DNAAF3: variants seen among roughly 807,000 people sequenced by gnomAD.
DNAAF3 encodes dynein axonemal assembly factor 3.
In DNAAF3, 40 loss-of-function variants were observed where a neutral mutation model predicts 50.9. The observed-to-expected ratio is 0.79, with a 90% CI of 0.61 to 1.02. DNAAF3 has a LOEUF of 1.02. Among genes scored for constraint, DNAAF3 ranks in the 50% least tolerant of loss-of-function variants. The pLI is 0.00. For missense variants in DNAAF3, 763 were observed against 744.7 expected, an observed-to-expected ratio of 1.02 and a Z score of -0.29; for synonymous variants, 327 against 322.8, an observed-to-expected ratio of 1.01 and a Z score of -0.14.
At position 55,160,087 on chromosome 19, in the gene DNAAF3, A is replaced by G; in HGVS notation, c.1049-74T>C. 1.1e-6 allele frequency: 1 copy of G among 908,308 alleles called. No homozygotes were observed. Among genetic ancestry groups the G allele is most frequent in the Non-Finnish European group, 1.8e-6 (1 of 551,668 alleles). 56.3% of individuals were successfully genotyped at this position (908,308 alleles called of 1,614,324 possible). A position where few individuals can be genotyped will look rare whatever the true frequency, so the allele number is the denominator to read the frequency against. The stretch of plus-strand genomic sequence containing the variant: ...GGCGGAAAACCAGAGAGATACACAG[A>G]GCTGGGCAGAGCTGGGCAGGCACAC... On this transcript the variant is annotated intron_variant, in intron 9 of 11. Transcript: ENST00000524407. The surrounding 1 kb of genome is among the most constrained non-coding windows in gnomAD (Gnocchi z 4.7).
chr19:55,161,370 C>T lies in DNAAF3; in HGVS notation c.712G>A (p.Val238Ile), dbSNP rs1380206004. 1 of 1,606,238 alleles carries T rather than the reference C, an allele frequency of 6.2e-7. No individual in the cohort carries two copies. The highest frequency in any genetic ancestry group is 1.1e-5 in the South Asian group (1 of 90,634). Reference protein sequence around the residue: ...QEFRRWRDTGVAFELRDSSAY... With the variant: ...QEFRRWRDTGIAFELRDSSAY... ...CTGGAGTCCCTGAGTTCAAAGGCGA[C>T]GCCTGTGTCCCGCCAGCGTCGGAAC... Residue 238 changes from valine to isoleucine, a missense_variant, in exon 7 of 12, where the codon GTC (valine) becomes ATC (isoleucine). By Grantham distance (29) the Val-to-Ile change is conservative. Transcript: ENST00000524407. The surrounding 1 kb of genome is among the most constrained non-coding windows in gnomAD (Gnocchi z 6.4).
rs1419760845 is a variant in DNAAF3, at chr19:55,165,403, C to G, written c.289G>C (p.Ala97Pro). ...CCCATCTTCTCCGGTTCCTCCAGGG[C>G]TAGGCTGAAGATCAGCATGTGTCGG... ...VARHMLIFSL[A>P]LEEPEKMGLQ... The change falls in exon 4 of 12, where the codon GCC (alanine) becomes CCC (proline). Residue 97 changes from alanine (A) to proline (P), a missense_variant. By Grantham distance (27) the Ala-to-Pro change is conservative (BLOSUM62 -1). Coordinates refer to ENST00000524407, the MANE Select transcript of DNAAF3 (RefSeq NM_001256715.2). 6.2e-7 allele frequency: 1 copy of G among 1,614,168 alleles called. No individual in the cohort carries two copies. Among genetic ancestry groups the G allele is most frequent in the Non-Finnish European group, 8.5e-7 (1 of 1,180,040 alleles).
intron 4 of DNAAF3, chr19:55,162,694 AAAAT>A (rs1342382436): frequency 5.1e-6 from 5 of 985,194 alleles, no homozygotes; most frequent in Non-Finnish European, 6.0e-6. Context: ...ACAACAGTAA[AAAAT>A]AATACAAATT....
chr19:55,159,908 A>G lies in DNAAF3; in HGVS notation c.1154T>C (p.Val385Ala), dbSNP rs1221796368. The G allele has an allele frequency of 6.2e-7, 1 of 1,613,942 alleles. No individual in the cohort carries two copies. The highest frequency in any genetic ancestry group is 1.3e-5 in the African/African-American group (1 of 75,018). ...CYNGRFQLLYVACGMVHLLIP... is the reference protein window; with the variant it reads ...CYNGRFQLLYAACGMVHLLIP... Reference sequence around the variant, plus strand: ...CTGCCTCCCCGCTTACCCACAGGCCACATAGAGGAGCTGGAATCGGCCGTT... The same window carrying G: ...CTGCCTCCCCGCTTACCCACAGGCCGCATAGAGGAGCTGGAATCGGCCGTT... Residue 385 changes from valine (V) to alanine (A), a missense_variant, in exon 10 of 12, where the codon GTG becomes GCG. Physicochemically the swap from Val to Ala is moderately conservative, Grantham distance 64. Coordinates refer to ENST00000524407, the MANE Select transcript of DNAAF3 (RefSeq NM_001256715.2).
chr19:55,158,950 A>C lies in DNAAF3; in HGVS notation c.*112T>G. On this transcript the variant is annotated 3_prime_UTR_variant, in exon 12 of 12. Transcript: ENST00000524407. ...TGGGGGTGGCGGGTACTGAGTGGGA[A>C]TGATTAGAATAAAATTGAGGACTCT... The C allele has an allele frequency of 2.4e-6, 3 of 1,244,134 alleles. No homozygotes were observed. The highest frequency in any genetic ancestry group is 3.3e-6 in the Non-Finnish European group (3 of 907,668). The allele number at this position is 1,244,134 out of a possible 1,614,324, so 77.1% of individuals were successfully genotyped here.
Position 55,166,086 on chromosome 19 carries a change from C to T in DNAAF3, c.86-86G>A. On this transcript the variant is annotated intron_variant, in intron 2 of 11. Coordinates refer to ENST00000524407, the MANE Select transcript of DNAAF3 (RefSeq NM_001256715.2). This position sits in a 1 kb window ranked among gnomAD's most constrained non-coding sequence, Gnocchi z 4.0. ...CCCCTATAAAAAATGGACTACAAAT[C>T]CCAGTAGGCGTTCCGCCCGTGGCCT... 1.9e-6 allele frequency: 3 copies of T among 1,606,772 alleles called. No homozygotes were observed. Among genetic ancestry groups the T allele is most frequent in the Non-Finnish European group, 2.5e-6 (3 of 1,176,634 alleles).
At chr19:55,162,565 A>G (rs1362170756) in intron 4 of DNAAF3, 3 of 942,192 alleles carry the variant, frequency 3.2e-6, no homozygotes, top group Non-Finnish European at 3.9e-6. Flanking sequence ...CAGCCTGGGC[A>G]ACAGAGTGAG....
rs1473284880 is a variant in DNAAF3, at chr19:55,161,504, C to G, written c.664-86G>C. The G allele has an allele frequency of 2.2e-5, 33 of 1,509,142 alleles. No homozygotes were observed. Among genetic ancestry groups the G allele is most frequent in the Non-Finnish European group, 2.7e-5 (30 of 1,131,166 alleles). The allele number at this position is 1,509,142 out of a possible 1,614,324, so 93.5% of individuals were successfully genotyped here. On this transcript the variant is annotated intron_variant, in intron 6 of 11. Coordinates refer to ENST00000524407, the MANE Select transcript of DNAAF3 (RefSeq NM_001256715.2). This position sits in a 1 kb window ranked among gnomAD's most constrained non-coding sequence, Gnocchi z 6.4. ...ACCAGCCTCCCTCAGACCCAGGAGT[C>G]CAGGTCCCCAGGCCCTCCTCCCTCA...
intron 3 of DNAAF3, 103 bp downstream of exon 3, chr19:55,165,755 G>A (rs1381455745): frequency 6.5e-7 from 1 of 1,527,300 alleles, no homozygotes; most frequent in East Asian, 2.4e-5. Context: ...TCAGATCTAG[G>A]AGTCTCCAGC....
At chr19:55,163,152 A>G (rs181169236) in intron 4 of DNAAF3, among the ~76,000 whole-genome samples, 10 of 150,510 alleles carry the variant, frequency 6.6e-5, no homozygotes, top group East Asian at 2.0e-4. Flanking sequence ...TGGGACTACA[A>G]GCGCCCGCCA....
chr19:55,166,297 C>T lies in DNAAF3; in HGVS notation c.85+32G>A, dbSNP rs747052109. 6.2e-7 allele frequency: 1 copy of T among 1,607,854 alleles called. No individual in the cohort carries two copies. Among genetic ancestry groups the T allele is most frequent in the South Asian group, 1.1e-5 (1 of 90,664 alleles). On this transcript the variant is annotated intron_variant, in intron 2 of 11. Coordinates refer to ENST00000524407, the MANE Select transcript of DNAAF3 (RefSeq NM_001256715.2). The surrounding 1 kb of genome is among the most constrained non-coding windows in gnomAD (Gnocchi z 4.0). ...CGTCTGCTCAGGCTGGGAAGGCAGA[C>T]GGTGTATCAGACCTTGCGTGCTGGG... is the stretch of plus-strand genomic sequence containing the variant.
Position 55,159,892 on chromosome 19 carries a change from C to G in DNAAF3, c.1163+7G>C, listed in dbSNP as rs529282961. 1.2e-6 allele frequency: 2 copies of G among 1,613,350 alleles called. No homozygotes were observed. Among genetic ancestry groups the G allele is most frequent in the East Asian group, 2.2e-5 (1 of 44,870 alleles). On this transcript the variant is annotated splice_region_variant and intron_variant, in intron 10 of 11. Coordinates refer to ENST00000524407, the MANE Select transcript of DNAAF3 (RefSeq NM_001256715.2). ...GTCTTTGTGAGCACAGCTGCCTCCC[C>G]GCTTACCCACAGGCCACATAGAGGA...
rs201688782 is a variant in DNAAF3, at chr19:55,165,370, C to T, written c.322G>A (p.Glu108Lys). ...GAATGCCTGGGTCCTAGCAACAGAC[C>T]TTGCAGCCCCATCTTCTCCGGTTCC... The part of the protein sequence containing the change: ...LEEPEKMGLQ[E>K]RSETFLEVWG... The change falls in exon 4 of 12, where the codon GAG becomes AAG. Residue 108 changes from glutamate (E) to lysine (K), a missense_variant and splice_region_variant. Physicochemically the swap from Glu to Lys is moderately conservative, Grantham distance 56. Coordinates refer to ENST00000524407, the MANE Select transcript of DNAAF3 (RefSeq NM_001256715.2). 5 of 1,614,078 alleles carry T rather than the reference C, an allele frequency of 3.1e-6. No homozygotes were observed. In the Admixed American group the frequency reaches 8.3e-5, roughly 27 times the overall value.
chr19:55,166,610 A>T lies in DNAAF3; in HGVS notation c.-92T>A. On this transcript the variant is annotated 5_prime_UTR_variant, in exon 1 of 12. Transcript: ENST00000524407. This position sits in a 1 kb window ranked among gnomAD's most constrained non-coding sequence, Gnocchi z 4.0. Reference sequence around the variant, plus strand: ...GCGGCACTCCACAACCGCTGCCCAGAGTCCCCGCCCTTTTCGAGGAATCAA... The same window carrying T: ...GCGGCACTCCACAACCGCTGCCCAGTGTCCCCGCCCTTTTCGAGGAATCAA... 1 of 1,614,066 alleles carries T rather than the reference A, an allele frequency of 6.2e-7. No individual in the cohort carries two copies.
In DNAAF3 at chr19:55,162,209, TCG is replaced by T; in HGVS notation, c.402_403del (p.Asp135ProfsTer84). 8.0e-7 allele frequency: 1 copy of T among 1,253,594 alleles called. No individual in the cohort carries two copies. The highest frequency in any genetic ancestry group is 1.0e-6 in the Non-Finnish European group (1 of 990,766). 77.7% of individuals were successfully genotyped at this position (1,253,594 alleles called of 1,614,324 possible). ...CTCGGGGACCAGGTGCGCCAGCAGG[TCG>T]GCCTGGGCACGCACGAAGGCGGCCA... On this transcript the variant is annotated frameshift_variant, in exon 5 of 12. Coordinates refer to ENST00000524407, the MANE Select transcript of DNAAF3 (RefSeq NM_001256715.2). LOFTEE classifies it high-confidence loss of function.
At position 55,160,531 on chromosome 19, in the gene DNAAF3, C is replaced by G; in HGVS notation, c.1048+109G>C. 1.3e-6 allele frequency: 2 copies of G among 1,550,748 alleles called. No homozygotes were observed. Among genetic ancestry groups the G allele is most frequent in the South Asian group, 2.3e-5 (2 of 86,552 alleles). On this transcript the variant is annotated intron_variant, in intron 9 of 11. Transcript: ENST00000524407. The surrounding 1 kb of genome is among the most constrained non-coding windows in gnomAD (Gnocchi z 4.7). ...AAAGAGAGAAAAAGAGACAGAATAT[C>G]AAGAAGCCGTCACTTGCCCAGGCAT...
At chr19:55,162,876 T>C (rs983308887) in intron 4 of DNAAF3, 2 of 183,464 alleles carry the variant, frequency 1.1e-5, no homozygotes, top group African/African-American at 4.8e-5. Context: ...GCCATCATAG[T>C]TCACTGTTAC....
rs2085773934 is a variant in DNAAF3, at chr19:55,159,293, A to G, written c.1395T>C (p.Thr465=). 5 of 1,614,004 alleles carry G rather than the reference A, an allele frequency of 3.1e-6. No homozygotes were observed. The highest frequency in any genetic ancestry group is 4.2e-6 in the Non-Finnish European group (5 of 1,180,044). ...CKSQESALGN[T]VPAVEPGTPP... Reference sequence around the variant, plus strand: ...GAGTTCCGGGTTCCACAGCTGGGACAGTGTTGCCCAGAGCTGATTCCTGGG... The same window carrying G: ...GAGTTCCGGGTTCCACAGCTGGGACGGTGTTGCCCAGAGCTGATTCCTGGG... The change falls in exon 12 of 12, where the codon ACT becomes ACC. Residue 465 remains threonine (T), a synonymous_variant. Transcript: ENST00000524407.
Position 55,159,072 on chromosome 19 carries a change from G to A in DNAAF3, c.1616C>T (p.Thr539Ile), listed in dbSNP as rs758364088. 1 of 1,594,222 alleles carries A rather than the reference G, an allele frequency of 6.3e-7. No individual in the cohort carries two copies. The highest frequency in any genetic ancestry group is 1.7e-5 in the Admixed American group (1 of 57,448). The change falls in exon 12 of 12, where the codon ACT (threonine) becomes ATT (isoleucine). Residue 539 changes from threonine to isoleucine, a missense_variant. By Grantham distance (89) the Thr-to-Ile change is moderately conservative. Coordinates refer to ENST00000524407, the MANE Select transcript of DNAAF3 (RefSeq NM_001256715.2). ...APPNCESDSK[T>I]GV ...TGTCTAGGGGTTGGGTCAGACTCCA[G>A]TTTTGGAGTCTGACTCACAGTTGGG...
Sources: gnomAD v4.1 joint callset for allele counts (sites outside exome capture counted in the v4.1 genomes callset) on GRCh38, gnomAD v4.1.1 for gene constraint, Gnocchi (gnomAD v3.1) non-coding constraint, MANE v1.5 for transcripts, NCBI Gene and HGNC (gene_info 2026-07-23, HGNC 2026-07-21) for gene names.